RARB: variants seen among roughly 807,000 people sequenced by gnomAD.
RARB encodes retinoic acid receptor beta, also known as HBV-activated protein.
In RARB, 17 loss-of-function variants were observed where a neutral mutation model predicts 51.9. The observed-to-expected ratio is 0.33, with a 90% CI of 0.22 to 0.49. RARB has a LOEUF of 0.49. Ranked by LOEUF, RARB falls within the 20% of genes least tolerant of loss-of-function variation. The pLI is 0.99. For missense variants in RARB, 369 were observed against 550.8 expected, an observed-to-expected ratio of 0.67 and a Z score of 3.30; for synonymous variants, 215 against 195.4, an observed-to-expected ratio of 1.10 and a Z score of -0.84.
At position 25,007,391 on chromosome 3, in the gene RARB, C is replaced by T. The variant is rs113602028; in HGVS notation, c.-379-52734C>T. ...CTGTAATCCCAGCACTTTAGGAGGC[C>T]GAGGTGGGTGGATCACTTGAGGTCA... is the stretch of plus-strand genomic sequence containing the variant. On this transcript the variant is annotated intron_variant, in intron 2 of 11. Coordinates refer to the RARB transcript ENST00000383772. Among the ~76,000 whole-genome samples the T allele has an allele frequency of 7.0e-3, 1,055 of 151,790 alleles. 7 individuals are homozygous for T. The highest frequency in any genetic ancestry group is 0.024 in the African/African-American group (1,001 of 41,392).
chr3:25,205,179 G>A (rs933692834), intron 5 of RARB, among the ~76,000 whole-genome samples: 1 of 152,166 alleles, frequency 6.6e-6, no homozygotes, highest in East Asian at 1.9e-4. Flanking sequence ...TCAGACTGCT[G>A]TGCTAGCAAT....
At chr3:25,243,985 A>G (rs1702493230) in intron 5 of RARB, among the ~76,000 whole-genome samples, 1 of 152,180 alleles carries the variant, frequency 6.6e-6, no homozygotes, top group South Asian at 2.1e-4. Context: ...CCTCAATTTC[A>G]GAACTTGTTA....
intron 5 of RARB, among the ~76,000 whole-genome samples, chr3:25,223,296 G>A (rs1173830260): frequency 2.0e-5 from 3 of 152,044 alleles, no homozygotes; most frequent in Admixed American, 6.6e-5. Flanking sequence ...CTGTGTTGTT[G>A]TATGTATTCA....
At chr3:24,963,105 C>G (rs1319986) in intron 2 of RARB, among the ~76,000 whole-genome samples, 134,032 of 152,146 alleles carry the variant, frequency 0.88, 59,168 homozygotes, top group East Asian at 0.96. Context: ...CTAGATGCCT[C>G]AGGATTTGTT....
chr3:25,434,116 C>T (rs1198832704), intron 1 of RARB, among the ~76,000 whole-genome samples: 2 of 152,162 alleles, frequency 1.3e-5, no homozygotes, highest in Non-Finnish European at 2.9e-5. Context: ...TCAACCTGGC[C>T]AAGCATTTCC....
intron 3 of RARB, among the ~76,000 whole-genome samples, chr3:25,549,228 A>G (rs1398174694): frequency 6.6e-6 from 1 of 152,108 alleles, no homozygotes; most frequent in African/African-American, 2.4e-5. Context: ...CTGAAGAGGT[A>G]GCAGGCCTGA....
intron 3 of RARB, among the ~76,000 whole-genome samples, chr3:25,118,374 G>A (rs1301333057): frequency 6.6e-6 from 1 of 152,132 alleles, no homozygotes; most frequent in African/African-American, 2.4e-5. Context: ...TCCCAGGATG[G>A]AATGTGGAGT....
intron 4 of RARB, among the ~76,000 whole-genome samples, chr3:25,140,744 T>C (rs1700095272): frequency 6.6e-6 from 1 of 152,114 alleles, no homozygotes; most frequent in Admixed American, 6.6e-5. Flanking sequence ...AGAAATCTTT[T>C]GAGAAAGGGT....
intron 5 of RARB, among the ~76,000 whole-genome samples, chr3:25,225,462 A>C (rs760917239): frequency 6.6e-6 from 1 of 152,354 alleles, no homozygotes; most frequent in Non-Finnish European, 1.5e-5. Flanking sequence ...TCAGTAGGTC[A>C]GAATGACTTT....
At chr3:25,314,213 A>G (rs541603843) in intron 5 of RARB, among the ~76,000 whole-genome samples, 1 of 152,324 alleles carries the variant, frequency 6.6e-6, no homozygotes, top group African/African-American at 2.4e-5. Flanking sequence ...TTAACTGTTG[A>G]GATATATCTC....
chr3:25,311,807 C>G (rs993620605), intron 5 of RARB, among the ~76,000 whole-genome samples: 4 of 152,136 alleles, frequency 2.6e-5, no homozygotes, highest in Admixed American at 2.0e-4. Context: ...ACAGTTCAGG[C>G]TCATGACACA....
intron 2 of RARB, among the ~76,000 whole-genome samples, chr3:24,963,415 TC>T (rs1257345546): frequency 7.4e-6 from 1 of 135,334 alleles, no homozygotes; most frequent in Non-Finnish European, 1.7e-5. Context: ...TGGCTTCCCA[TC>T]CTTGTTGTCA....
chr3:25,164,162 G>A (rs1422762211), intron 4 of RARB, among the ~76,000 whole-genome samples: 14 of 152,294 alleles, frequency 9.2e-5, no homozygotes, highest in South Asian at 2.1e-4. Context: ...GAAAGAACTA[G>A]TTATTATATC....
intron 5 of RARB, among the ~76,000 whole-genome samples, chr3:25,201,091 A>G (rs1391874216): frequency 3.3e-5 from 5 of 151,818 alleles, no homozygotes; most frequent in Non-Finnish European, 7.4e-5. Context: ...ATGTTCTTCC[A>G]TTTGTTTGTG....
chr3:25,278,306 TTGTGAGCTTTA>T (rs1703440891), intron 5 of RARB, among the ~76,000 whole-genome samples: 1 of 152,212 alleles, frequency 6.6e-6, no homozygotes, highest in Non-Finnish European at 1.5e-5. Context: ...TGTGAAACTT[TTGTGAGCTTTA>T]AATATGATGC....
intron 3 of RARB, among the ~76,000 whole-genome samples, chr3:25,534,360 ATATT>A (rs1476962829): frequency 6.6e-6 from 1 of 152,210 alleles, no homozygotes. Context: ...CATTCAATAA[ATATT>A]AATTATTATT....
chr3:25,371,654 A>G (rs961014220), intron 5 of RARB, among the ~76,000 whole-genome samples: 3 of 152,246 alleles, frequency 2.0e-5, no homozygotes, highest in Admixed American at 1.3e-4. Context: ...TGGGGCAAAA[A>G]TTATTCTCAC....
chr3:25,528,711 T>C (rs1698765092), intron 3 of RARB, among the ~76,000 whole-genome samples: 1 of 148,816 alleles, frequency 6.7e-6, no homozygotes. Flanking sequence ...GTAGGGAGGG[T>C]AGAGATGGCT....
At chr3:25,391,103 G>A (rs1706941806) in intron 5 of RARB, among the ~76,000 whole-genome samples, 1 of 151,986 alleles carries the variant, frequency 6.6e-6, no homozygotes, top group South Asian at 2.1e-4. Flanking sequence ...ATGCCTTGGT[G>A]TCCTCATAGC....
Sources: gnomAD v4.1 joint callset for allele counts (sites outside exome capture counted in the v4.1 genomes callset) on GRCh38, gnomAD v4.1.1 for gene constraint, MANE v1.5 for transcripts, NCBI Gene and HGNC (gene_info 2026-07-23, HGNC 2026-07-21) for gene names.